The following XPOT variants were observed in gnomAD, a reference collection of about 807,000 sequenced individuals.
XPOT encodes the protein exportin-T.
XPOT carries 34 observed loss-of-function variants against 128.2 expected under a neutral mutation model. That is an observed-to-expected ratio of 0.27 (90% confidence interval 0.20 to 0.35). The LOEUF (loss-of-function observed/expected upper bound fraction) is 0.35, where lower values mean the gene tolerates loss of function less well. Ranked by LOEUF, XPOT falls within the 10% of genes least tolerant of loss-of-function variation. The pLI, the probability that XPOT is intolerant of heterozygous loss-of-function variation, is 1.00. For synonymous variants in XPOT, 348 were observed against 394.3 expected, an observed-to-expected ratio of 0.88 and a Z score of 1.39; for missense variants, 838 against 1,125.3, an observed-to-expected ratio of 0.74 and a Z score of 3.65.
In XPOT at chr12:64,439,936, TTCA is replaced by T. The variant is rs550263797; in HGVS notation, c.2805+625_2805+627del. On this transcript the variant is annotated intron_variant, in intron 23 of 24. Transcript: ENST00000332707. ...TTATGTAGATTCCAAAATTTGTTTC[TTCA>T]TCAATAGTGTTTTTATTTTATTGTA... Among the ~76,000 whole-genome samples, 484 of 152,334 alleles carry T rather than the reference TTCA, an allele frequency of 3.2e-3. 5 individuals are homozygous for T. The highest frequency in any genetic ancestry group is 0.011 in the African/African-American group (464 of 41,576).
At chr12:64,424,794 G>T in intron 12 of XPOT, 71 bp downstream of exon 12, 11 of 1,559,408 alleles carry the variant, frequency 7.1e-6, no homozygotes, top group Non-Finnish European at 9.6e-6. Flanking sequence ...CAAAATAAAT[G>T]ATTCATATGA....
chr12:64,425,485 C>T (rs777459540), intron 14 of XPOT, 28 bp downstream of exon 14: 5 of 1,610,152 alleles, frequency 3.1e-6, no homozygotes, highest in Non-Finnish European at 4.2e-6. Context: ...TTGTTACTTT[C>T]CATGGGTTTC....
chr12:64,427,986 A>G, intron 15 of XPOT, 65 bp from the exon 16 acceptor site: 1 of 1,065,268 alleles, frequency 9.4e-7, no homozygotes, highest in East Asian at 2.4e-5. Flanking sequence ...TAAAGGGGGA[A>G]TTTGGTATTT....
At chr12:64,434,058 C>T (rs993275594) in intron 19 of XPOT, among the ~76,000 whole-genome samples, 1 of 152,134 alleles carries the variant, frequency 6.6e-6, no homozygotes, top group Non-Finnish European at 1.5e-5. Context: ...CTCTCTTGCC[C>T]AGGCTGTAGT....
At chr12:64,433,190 C>A (rs968090350) in intron 18 of XPOT, among the ~76,000 whole-genome samples, 1 of 152,204 alleles carries the variant, frequency 6.6e-6, no homozygotes, top group African/African-American at 2.4e-5. Context: ...AGGTGACTCA[C>A]CCGCCTTAGC....
Position 64,436,406 on chromosome 12 carries a change from C to T in XPOT, c.2733+732C>T, listed in dbSNP as rs560986442. On this transcript the variant is annotated intron_variant, in intron 22 of 24. Transcript: ENST00000332707. Reference sequence around the variant, plus strand: ...CAGAGTAGCTGGGACCACACAGATGCATGCTACCACACCTGGCTAATTTTT... The same window carrying T: ...CAGAGTAGCTGGGACCACACAGATGTATGCTACCACACCTGGCTAATTTTT... Among the ~76,000 whole-genome samples the T allele has an allele frequency of 3.9e-4, 60 of 152,104 alleles. 2 individuals carry two copies. The South Asian group carries it at 0.011, about 29-fold the overall frequency.
chr12:64,430,421 T>A, intron 17 of XPOT, 134 bp downstream of exon 17: 1 of 771,994 alleles, frequency 1.3e-6, no homozygotes, highest in Non-Finnish European at 2.0e-6. Flanking sequence ...GTCCTCCAAA[T>A]CCAGTCAGTT....
chr12:64,447,595 C>T (rs1486123127), intron 24 of XPOT, among the ~76,000 whole-genome samples: 1 of 152,082 alleles, frequency 6.6e-6, no homozygotes, highest in Non-Finnish European at 1.5e-5. Flanking sequence ...TCTCCTGCCT[C>T]AGCCTCCCGA....
intron 3 of XPOT, 28 bp downstream of exon 3, chr12:64,415,017 A>G: frequency 7.0e-7 from 1 of 1,429,608 alleles, no homozygotes; most frequent in Non-Finnish European, 9.9e-7. Context: ...TTGCATGACA[A>G]TTTAAATTTC....
chr12:64,433,736 T>C, intron 19 of XPOT, 133 bp downstream of exon 19: 1 of 795,486 alleles, frequency 1.3e-6, no homozygotes, highest in East Asian at 3.1e-5. Flanking sequence ...CAGTTTATTG[T>C]TTTCAGGGTG....
In XPOT at chr12:64,420,163, C is replaced by G. The variant is rs1483956910; in HGVS notation, c.583C>G (p.Gln195Glu). 4 of 1,612,942 alleles carry G rather than the reference C, an allele frequency of 2.5e-6. No homozygotes were observed. Among genetic ancestry groups the G allele is most frequent in the African/African-American group, 1.3e-5 (1 of 74,884 alleles). The change falls in exon 7 of 25, where the codon CAG becomes GAG. Residue 195 changes from glutamine (Q) to glutamate (E), a missense_variant. By Grantham distance (29) the Gln-to-Glu change is conservative. Around this residue, in one of 3 missense-constraint regions of XPOT, gnomAD observed 761 missense variants for 988.3 expected, o/e 0.77. Transcript: ENST00000332707. ...ESWYQILQNYQFTNSEVTCQC... is the reference protein window; with the variant it reads ...ESWYQILQNYEFTNSEVTCQC... ...ATGGTACCAAATATTACAAAATTAT[C>G]AGTTTACTAATTCTGAAGTGACGTG...
Position 64,418,096 on chromosome 12 carries a change from T to C in XPOT, c.251T>C (p.Ile84Thr). 1 of 1,613,492 alleles carries C rather than the reference T, an allele frequency of 6.2e-7. No individual in the cohort carries two copies. The highest frequency in any genetic ancestry group is 8.5e-7 in the Non-Finnish European group (1 of 1,179,710). Residue 84 changes from isoleucine (I) to threonine (T), a missense_variant, in exon 5 of 25, where the codon ATA (isoleucine) becomes ACA (threonine). This residue lies in a region of XPOT where 761 missense variants were observed against 988.3 expected (regional missense o/e 0.77). Transcript: ENST00000332707. ...CAACAGCTAATTAGGGAGACGCTCATATCATGGCTGCAAGCTCAGGTAAAA... is the reference window on the plus strand; with the variant it reads ...CAACAGCTAATTAGGGAGACGCTCACATCATGGCTGCAAGCTCAGGTAAAA... ...VQQQLIRETLISWLQAQMLNP... is the reference protein window; with the variant it reads ...VQQQLIRETLTSWLQAQMLNP...
chr12:64,431,483 A>G (rs2040237930), intron 17 of XPOT, 55 bp from the exon 18 acceptor site: 6 of 1,572,730 alleles, frequency 3.8e-6, no homozygotes, highest in Admixed American at 1.8e-5. Context: ...TGAATACTCC[A>G]TAACACTTTT....
chr12:64,433,734 T>TA (rs1299246101), intron 19 of XPOT, 131 bp downstream of exon 19: 1 of 814,534 alleles, frequency 1.2e-6, no homozygotes, highest in African/African-American at 1.8e-5. Flanking sequence ...GACAGTTTAT[T>TA]GTTTTCAGGG....
chr12:64,448,393 T>A lies in XPOT; in HGVS notation c.*262T>A, dbSNP rs758782702. 2.5e-6 allele frequency: 1 copy of A among 394,338 alleles called. No individual in the cohort carries two copies. The highest frequency in any genetic ancestry group is 4.5e-6 in the Non-Finnish European group (1 of 220,326). 24.4% of individuals were successfully genotyped at this position (394,338 alleles called of 1,614,324 possible). ...CACAAGAGTTATCCTAGAACCTTAA[T>A]TCTTTTTTATTTGAAATTTTAAGTC... is the stretch of plus-strand genomic sequence containing the variant. On this transcript the variant is annotated 3_prime_UTR_variant, in exon 25 of 25. Coordinates refer to ENST00000332707, the MANE Select transcript of XPOT (RefSeq NM_007235.6).
Position 64,448,264 on chromosome 12 carries a change from T to A in XPOT, c.*133T>A. 1 of 915,838 alleles carries A rather than the reference T, an allele frequency of 1.1e-6. No homozygotes were observed. The highest frequency in any genetic ancestry group is 1.7e-6 in the Non-Finnish European group (1 of 576,418). The allele number at this position is 915,838 out of a possible 1,614,324, so 56.7% of individuals were successfully genotyped here. A position where few individuals can be genotyped will look rare whatever the true frequency, so the allele number is the denominator to read the frequency against. On this transcript the variant is annotated 3_prime_UTR_variant, in exon 25 of 25. Transcript: ENST00000332707. ...TTATTGCAGTATATGTTTTGGGATT[T>A]TTCTGTAAAATGGGTGTAATTTTCC...
rs892514506 is a variant in XPOT at position 64,410,074 on chromosome 12, T to C, written c.39T>C (p.Ala13=). 2 of 1,613,914 alleles carry C rather than the reference T, an allele frequency of 1.2e-6. No individual in the cohort carries two copies. Among genetic ancestry groups the C allele is most frequent in the Non-Finnish European group, 1.7e-6 (2 of 1,180,002 alleles). ...CTCTATTAGGGCTAAATCCAAATGC[T>C]GATTCAGACTTTAGACAAAGGGTAA... ...EQALLGLNPN[A]DSDFRQRALA... is the part of the protein sequence containing the mutation. The change falls in exon 2 of 25, where the codon GCT becomes GCC. Residue 13 remains alanine, a synonymous_variant. Transcript: ENST00000332707.
chr12:64,424,836 A>G (rs2136023504), intron 12 of XPOT, 113 bp downstream of exon 12: 1 of 1,416,980 alleles, frequency 7.1e-7, no homozygotes, highest in South Asian at 1.3e-5. Context: ...TTGAGATCTT[A>G]TGTGTATCTC....
At chr12:64,422,897 T>A (rs2040152731) in intron 9 of XPOT, 108 bp from the exon 10 acceptor site, 1 of 1,064,520 alleles carries the variant, frequency 9.4e-7, no homozygotes, top group Non-Finnish European at 1.3e-6. Flanking sequence ...AGCAAGACCT[T>A]GTCTCAAAAA....
Sources: gnomAD v4.1 joint callset for allele counts (sites outside exome capture counted in the v4.1 genomes callset) on GRCh38, gnomAD v4.1.1 for gene constraint, gnomAD v4.1.1 regional missense constraint, MANE v1.5 for transcripts, NCBI Gene and HGNC (gene_info 2026-07-23, HGNC 2026-07-21) for gene names.